The following CAMK2B variants were observed in gnomAD, a reference collection of about 807,000 sequenced individuals.
CAMK2B encodes the protein calcium/calmodulin-dependent protein kinase type II subunit beta.
In CAMK2B, 27 loss-of-function variants were observed where a neutral mutation model predicts 93.7. That is an observed-to-expected ratio of 0.29 (90% CI 0.21 to 0.40). CAMK2B has a LOEUF of 0.40. CAMK2B is among the 10% of genes least tolerant of loss of function. CAMK2B has a pLI of 1.00. For synonymous variants in CAMK2B, 374 were observed against 358.8 expected (o/e 1.04, Z -0.48); for missense variants, 568 against 895.8 (o/e 0.63, Z 4.67).
intron 2 of CAMK2B, among the ~76,000 whole-genome samples, chr7:44,263,742 G>A (rs952711003): frequency 1.5e-4 from 23 of 152,204 alleles, no homozygotes; most frequent in African/African-American, 5.5e-4. Context: ...ATAGAGGCAG[G>A]AGGCTTTTAA....
rs775442856 is a variant in CAMK2B at position 44,232,776 on chromosome 7, G to A, written c.1176+46C>T. 4.4e-6 allele frequency: 7 copies of A among 1,587,508 alleles called. No individual in the cohort carries two copies. The Admixed American group carries it at 8.3e-5, about 19-fold the overall frequency. ...TGCCCCAGACCTCTCTCCTGGCCTGGAGCCTCCTGCCTGGGGAAAGCGGGA... is the reference window on the plus strand; with the variant it reads ...TGCCCCAGACCTCTCTCCTGGCCTGAAGCCTCCTGCCTGGGGAAAGCGGGA... On this transcript the variant is annotated intron_variant, in intron 16 of 23. Transcript: ENST00000395749.
chr7:44,314,029 T>C (rs1458910203), intron 1 of CAMK2B, among the ~76,000 whole-genome samples: 1 of 152,108 alleles, frequency 6.6e-6, no homozygotes, highest in African/African-American at 2.4e-5. Context: ...GTCACTTTAA[T>C]TTCTAAGCTC....
intron 1 of CAMK2B, among the ~76,000 whole-genome samples, chr7:44,284,762 T>C (rs1465971785): frequency 6.6e-6 from 1 of 152,224 alleles, no homozygotes; most frequent in Non-Finnish European, 1.5e-5. Context: ...ACATGGGGAC[T>C]CATGGAAGGT....
At chr7:44,288,449 A>G (rs1223779608) in intron 1 of CAMK2B, among the ~76,000 whole-genome samples, 1 of 152,172 alleles carries the variant, frequency 6.6e-6, no homozygotes. Flanking sequence ...AGGTGCTCCT[A>G]CGGGATCCCA....
rs544236073 is a variant in CAMK2B, at chr7:44,224,496, G to A, written c.1597+2020C>T. ...GCTTGGAGGGGTCTGCACGAGCCAA[G>A]AGCCTCTGCAAGTCAGGCCTTCCAG... On this transcript the variant is annotated intron_variant, in intron 20 of 23. Coordinates refer to ENST00000395749, the MANE Select transcript of CAMK2B (RefSeq NM_001220.5). This position sits in a 1 kb window ranked among gnomAD's most constrained non-coding sequence, Gnocchi z 4.4. Among the ~76,000 whole-genome samples the A allele has an allele frequency of 3.9e-5, 6 of 152,366 alleles. No homozygotes were observed. Among genetic ancestry groups the A allele is most frequent in the African/African-American group, 1.2e-4 (5 of 41,586 alleles).
intron 13 of CAMK2B, among the ~76,000 whole-genome samples, chr7:44,238,159 C>T (rs550210976): frequency 1.6e-4 from 24 of 152,336 alleles, no homozygotes; most frequent in African/African-American, 5.8e-4. Flanking sequence ...CCTCTCAGCC[C>T]TGCCTCTGCC....
At chr7:44,284,067 C>T in intron 2 of CAMK2B, 64 bp downstream of exon 2, 1 of 1,245,906 alleles carries the variant, frequency 8.0e-7, no homozygotes, top group South Asian at 1.2e-5. Context: ...GTCCACAGGG[C>T]ACGGCCTCCA....
intron 6 of CAMK2B, among the ~76,000 whole-genome samples, chr7:44,246,674 C>T (rs2096733822): frequency 6.6e-6 from 1 of 152,118 alleles, no homozygotes; most frequent in Non-Finnish European, 1.5e-5. Flanking sequence ...TAAGTGTGCA[C>T]ATACATGCAC....
chr7:44,298,517 A>G (rs1788936940), intron 1 of CAMK2B, among the ~76,000 whole-genome samples: 1 of 151,726 alleles, frequency 6.6e-6, no homozygotes, highest in Non-Finnish European at 1.5e-5. Flanking sequence ...AGTGCAGGCA[A>G]CAAAAGAAAA....
chr7:44,258,360 A>T (rs1319635069), intron 4 of CAMK2B, among the ~76,000 whole-genome samples: 1 of 152,170 alleles, frequency 6.6e-6, no homozygotes. Context: ...ATGTATGCAC[A>T]TCCCCACCCA....
chr7:44,316,969 A>T (rs1483644449), intron 1 of CAMK2B, among the ~76,000 whole-genome samples: 1 of 152,060 alleles, frequency 6.6e-6, no homozygotes, highest in African/African-American at 2.4e-5. Flanking sequence ...CTTCTTAATT[A>T]TTCTCAGAGG....
chr7:44,228,703 G>A lies in CAMK2B; in HGVS notation c.1468+93C>T, dbSNP rs866315213. ...CTGCGGCGCCGGGGCAGGGTAGCTG[G>A]GCCGTGCATGCAGGTGGGAAGCTGC... On this transcript the variant is annotated intron_variant, in intron 19 of 23. Coordinates refer to ENST00000395749, the MANE Select transcript of CAMK2B (RefSeq NM_001220.5). The A allele has an allele frequency of 2.2e-4, 273 of 1,217,902 alleles. No individual in the cohort carries two copies. The South Asian group carries it at 4.8e-3, about 21-fold the overall frequency. The allele number at this position is 1,217,902 out of a possible 1,614,324, so 75.4% of individuals were successfully genotyped here.
intron 4 of CAMK2B, among the ~76,000 whole-genome samples, chr7:44,257,039 G>A (rs1267378097): frequency 2.0e-5 from 3 of 152,172 alleles, no homozygotes; most frequent in African/African-American, 7.2e-5. Context: ...GGCGCCTATG[G>A]GAGCTTCTGT....
chr7:44,282,303 C>T (rs1047505125), intron 2 of CAMK2B, among the ~76,000 whole-genome samples: 5 of 152,368 alleles, frequency 3.3e-5, no homozygotes, highest in African/African-American at 4.8e-5. Flanking sequence ...CACCCCACCA[C>T]GGGCTGGGCC....
intron 1 of CAMK2B, among the ~76,000 whole-genome samples, chr7:44,288,096 G>T (rs1785638371): frequency 6.6e-6 from 1 of 152,112 alleles, no homozygotes; most frequent in Admixed American, 6.5e-5. Flanking sequence ...CCAGCAGGAG[G>T]GGAGACCCAC....
At chr7:44,280,707 T>C (rs2097095396) in intron 2 of CAMK2B, among the ~76,000 whole-genome samples, 2 of 152,178 alleles carry the variant, frequency 1.3e-5, no homozygotes, top group African/African-American at 4.8e-5. Context: ...AGGAATTAGC[T>C]ACAGCCAGAA....
intron 12 of CAMK2B, 93 bp downstream of exon 12, chr7:44,240,614 A>G: frequency 7.2e-7 from 1 of 1,384,046 alleles, no homozygotes; most frequent in South Asian, 1.2e-5. Context: ...GCCGCAGAGG[A>G]GGAGTGGAGA....
intron 1 of CAMK2B, among the ~76,000 whole-genome samples, chr7:44,309,774 C>T (rs73099815): frequency 6.6e-6 from 1 of 152,262 alleles, no homozygotes; most frequent in Non-Finnish European, 1.5e-5. Flanking sequence ...ACCAGCCCAT[C>T]GGAAGAAACT....
Position 44,271,487 on chromosome 7 carries a change from G to A in CAMK2B, c.161-8423C>T, listed in dbSNP as rs2096973988. On this transcript the variant is annotated intron_variant, in intron 2 of 23. Coordinates refer to ENST00000395749, the MANE Select transcript of CAMK2B (RefSeq NM_001220.5). The surrounding 1 kb of genome is among the most constrained non-coding windows in gnomAD (Gnocchi z 4.2). The stretch of plus-strand genomic sequence containing the variant: ...CTTTAATTCTGTTTGGCCATGACCT[G>A]GCTGGCTCCTACAGACTCTGGTGAC... Among the ~76,000 whole-genome samples, 1 of 152,234 alleles carries A rather than the reference G, an allele frequency of 6.6e-6. No homozygotes were observed.
Sources: gnomAD v4.1 joint callset for allele counts (sites outside exome capture counted in the v4.1 genomes callset) on GRCh38, gnomAD v4.1.1 for gene constraint, Gnocchi (gnomAD v3.1) non-coding constraint, MANE v1.5 for transcripts, NCBI Gene and HGNC (gene_info 2026-07-23, HGNC 2026-07-21) for gene names.